SPAG16: variants seen among roughly 807,000 people sequenced by gnomAD.
The protein encoded by SPAG16 is sperm-associated antigen 16 protein.
In SPAG16, 86 loss-of-function variants were observed where a neutral mutation model predicts 80.4. The observed-to-expected ratio is 1.07, with a 90% confidence interval of 0.90 to 1.28. SPAG16 has a LOEUF of 1.28. Among genes scored for constraint, SPAG16 ranks in the 50% most tolerant of loss-of-function variants. SPAG16 has a pLI of 0.00. For missense variants in SPAG16, 870 were observed against 765.3 expected (o/e 1.14, Z -1.61); for synonymous variants, 294 against 265.9 (o/e 1.11, Z -1.03).
intron 10 of SPAG16, among the ~76,000 whole-genome samples, chr2:213,594,626 G>C (rs1233438247): frequency 1.3e-5 from 2 of 152,124 alleles, no homozygotes; most frequent in African/African-American, 4.8e-5. Flanking sequence ...GTTTCACTAA[G>C]TGATTACTCC....
chr2:214,353,484 G>A (rs1698562518), intron 15 of SPAG16, among the ~76,000 whole-genome samples: 1 of 152,148 alleles, frequency 6.6e-6, no homozygotes, highest in South Asian at 2.1e-4. Context: ...CAATCTGCAA[G>A]AGATGTAGCA....
intron 11 of SPAG16, among the ~76,000 whole-genome samples, chr2:213,877,120 G>A (rs542810027): frequency 1.7e-4 from 26 of 152,180 alleles, no homozygotes; most frequent in African/African-American, 6.3e-4. Flanking sequence ...CCTTTAACAT[G>A]TACTTTTTCT....
intron 10 of SPAG16, among the ~76,000 whole-genome samples, chr2:213,706,504 A>C (rs1188101380): frequency 6.6e-6 from 1 of 152,184 alleles, no homozygotes; most frequent in Admixed American, 6.5e-5. Context: ...TGCAATTCTA[A>C]ATATTTACCC....
chr2:213,884,543 T>C (rs894701357), intron 11 of SPAG16, among the ~76,000 whole-genome samples: 3 of 152,210 alleles, frequency 2.0e-5, no homozygotes, highest in African/African-American at 4.8e-5. Context: ...TCAACCTCTT[T>C]AGTGAAATTA....
At chr2:213,898,320 T>G (rs2077076473) in intron 11 of SPAG16, among the ~76,000 whole-genome samples, 1 of 152,166 alleles carries the variant, frequency 6.6e-6, no homozygotes, top group South Asian at 2.1e-4. Flanking sequence ...AATATCTTAT[T>G]TACTTAATCT....
intron 10 of SPAG16, among the ~76,000 whole-genome samples, chr2:213,600,253 TA>T (rs895962223): frequency 6.6e-6 from 1 of 152,196 alleles, no homozygotes; most frequent in African/African-American, 2.4e-5. Flanking sequence ...TCAAGAAACC[TA>T]ACACATACGT....
At chr2:213,602,006 AG>A (rs1267623864) in intron 10 of SPAG16, among the ~76,000 whole-genome samples, 9 of 152,342 alleles carry the variant, frequency 5.9e-5, no homozygotes, top group African/African-American at 1.9e-4. Flanking sequence ...TCGCATGTGC[AG>A]TTCACAAAAA....
At chr2:214,313,513 C>G (rs1344697336) in intron 15 of SPAG16, among the ~76,000 whole-genome samples, 1 of 152,070 alleles carries the variant, frequency 6.6e-6, no homozygotes. Context: ...AAACATTATA[C>G]CTCCTTGTAA....
chr2:214,391,365 ACGTATTT>A (rs1258213041), intron 15 of SPAG16, among the ~76,000 whole-genome samples: 1 of 152,230 alleles, frequency 6.6e-6, no homozygotes, highest in Non-Finnish European at 1.5e-5. Context: ...ATTTCATTAA[ACGTATTT>A]CTTCTGATCT....
At chr2:213,482,349 C>A (rs1194152084) in intron 9 of SPAG16, among the ~76,000 whole-genome samples, 2 of 152,182 alleles carry the variant, frequency 1.3e-5, no homozygotes, top group East Asian at 3.8e-4. Context: ...GGGCACAGAA[C>A]TGACATTTGT....
At chr2:213,873,574 G>A (rs6705506) in intron 11 of SPAG16, among the ~76,000 whole-genome samples, 89,447 of 150,772 alleles carry the variant, frequency 0.59, 28,328 homozygotes, top group South Asian at 0.85. Context: ...TAAGATAGAA[G>A]GTTTGGTTAT....
At chr2:213,868,278 T>A (rs1489930090) in intron 11 of SPAG16, among the ~76,000 whole-genome samples, 2 of 152,168 alleles carry the variant, frequency 1.3e-5, no homozygotes, top group Non-Finnish European at 2.9e-5. Flanking sequence ...TTTTAGATTA[T>A]GTTTTAGAAA....
chr2:214,245,377 C>T (rs1002280801), intron 15 of SPAG16, among the ~76,000 whole-genome samples: 1 of 152,096 alleles, frequency 6.6e-6, no homozygotes, highest in Non-Finnish European at 1.5e-5. Flanking sequence ...CTGCCTTCTG[C>T]ACCACCTTTT....
intron 10 of SPAG16, among the ~76,000 whole-genome samples, chr2:213,841,828 A>G (rs1056683135): frequency 1.3e-5 from 2 of 152,160 alleles, no homozygotes; most frequent in Admixed American, 1.3e-4. Flanking sequence ...AAATATTAAT[A>G]TAACTAAAAT....
intron 10 of SPAG16, among the ~76,000 whole-genome samples, chr2:213,612,421 C>T (rs954078032): frequency 2.0e-5 from 3 of 152,114 alleles, no homozygotes; most frequent in African/African-American, 7.2e-5. Flanking sequence ...TTCTCTTGAG[C>T]CAAGACACCA....
At chr2:213,766,350 A>G (rs565388481) in intron 10 of SPAG16, among the ~76,000 whole-genome samples, 3 of 152,218 alleles carry the variant, frequency 2.0e-5, no homozygotes, top group African/African-American at 7.2e-5. Flanking sequence ...ACTCTACTAT[A>G]AAACATGAAT....
intron 12 of SPAG16, among the ~76,000 whole-genome samples, chr2:214,007,663 G>T (rs2047089824): frequency 6.6e-6 from 1 of 151,502 alleles, no homozygotes; most frequent in Non-Finnish European, 1.5e-5. Context: ...TCAAAAAAGT[G>T]ATCTGCCTCC....
chr2:213,607,287 A>T (rs2061296052), intron 10 of SPAG16, among the ~76,000 whole-genome samples: 1 of 152,236 alleles, frequency 6.6e-6, no homozygotes, highest in Non-Finnish European at 1.5e-5. Flanking sequence ...CCTTGTATAA[A>T]GCAAATCAAT....
intron 15 of SPAG16, among the ~76,000 whole-genome samples, chr2:214,266,424 G>A (rs1018417282): frequency 1.3e-5 from 2 of 151,796 alleles, no homozygotes; most frequent in Non-Finnish European, 2.9e-5. Context: ...TTTAAACATT[G>A]TGAACAGTCA....
Sources: gnomAD v4.1 joint callset for allele counts (sites outside exome capture counted in the v4.1 genomes callset) on GRCh38, gnomAD v4.1.1 for gene constraint, MANE v1.5 for transcripts, NCBI Gene and HGNC (gene_info 2026-07-23, HGNC 2026-07-21) for gene names.